Variants in KIAA1328 observed in about 807,000 individuals in gnomAD.
KIAA1328 encodes the protein KIAA1328.
A neutral mutation model predicts 68.1 loss-of-function variants in KIAA1328; 52 were observed. The observed-to-expected ratio is 0.76, with a 90% CI of 0.61 to 0.96. The LOEUF is 0.96. Ranked by LOEUF, KIAA1328 falls within the 40% of genes least tolerant of loss-of-function variation. KIAA1328 has a pLI of 0.00. For missense variants in KIAA1328, 641 were observed against 677.6 expected, an observed-to-expected ratio of 0.95 and a Z score of 0.60; for synonymous variants, 232 against 239.4, an observed-to-expected ratio of 0.97 and a Z score of 0.28.
rs1315087702 is a variant in KIAA1328, at chr18:36,883,380, G to GA, written c.333-2171dup. ...GTTTATTTAGTGTACCTCCACAAGG[G>GA]AAAAAAGACCCTCCCAAAACACCTG... On this transcript the variant is annotated intron_variant, in intron 4 of 9. Transcript: ENST00000280020. Among the ~76,000 whole-genome samples, 11 of 152,090 alleles carry GA rather than the reference G, an allele frequency of 7.2e-5. 1 individual carries two copies. The highest frequency in any genetic ancestry group is 1.6e-4 in the Non-Finnish European group (11 of 68,020).
intron 7 of KIAA1328, among the ~76,000 whole-genome samples, chr18:37,077,509 A>C (rs2056784026): frequency 6.6e-6 from 1 of 150,714 alleles, no homozygotes; most frequent in African/African-American, 2.5e-5. Context: ...AAGGAAATAA[A>C]GGGTATTCAA....
At chr18:37,197,598 T>C (rs150862812) in intron 9 of KIAA1328, among the ~76,000 whole-genome samples, 2 of 152,268 alleles carry the variant, frequency 1.3e-5, no homozygotes, top group Non-Finnish European at 2.9e-5. Context: ...AGTCTATAAA[T>C]TGAAAGGTTA....
intron 5 of KIAA1328, among the ~76,000 whole-genome samples, chr18:36,914,493 G>T (rs945039620): frequency 6.6e-6 from 1 of 152,060 alleles, no homozygotes; most frequent in Non-Finnish European, 1.5e-5. Context: ...AGGCTGAGGT[G>T]GGGGGATCAC....
chr18:37,216,868 C>G (rs1316182956), intron 9 of KIAA1328, among the ~76,000 whole-genome samples: 17 of 140,744 alleles, frequency 1.2e-4, no homozygotes, highest in Non-Finnish European at 2.5e-4. Flanking sequence ...GAATTGATCC[C>G]TTTACCATTC....
intron 5 of KIAA1328, among the ~76,000 whole-genome samples, chr18:36,915,667 A>T (rs1397450305): frequency 6.6e-6 from 1 of 152,208 alleles, no homozygotes; most frequent in African/African-American, 2.4e-5. Flanking sequence ...GTAAAAAACA[A>T]TATTGACAAT....
intron 3 of KIAA1328, among the ~76,000 whole-genome samples, chr18:36,841,306 C>T (rs188094964): frequency 2.0e-5 from 3 of 151,894 alleles, no homozygotes; most frequent in Non-Finnish European, 4.4e-5. Flanking sequence ...GTAATATGCA[C>T]ATGTAGTGTA....
At chr18:37,075,554 C>T (rs972926176) in intron 7 of KIAA1328, 5 of 152,154 alleles carry the variant, frequency 3.3e-5, no homozygotes, top group Non-Finnish European at 5.9e-5. Flanking sequence ...GATAAAGAGT[C>T]AAGACCCATC....
chr18:37,105,738 GA>G (rs1404904116), intron 7 of KIAA1328, among the ~76,000 whole-genome samples: 1 of 151,080 alleles, frequency 6.6e-6, no homozygotes, highest in Non-Finnish European at 1.5e-5. Flanking sequence ...CCAACATGGT[GA>G]AACCCCATCT....
At chr18:37,013,428 G>A (rs1303719281) in intron 6 of KIAA1328, among the ~76,000 whole-genome samples, 3 of 151,954 alleles carry the variant, frequency 2.0e-5, no homozygotes, top group East Asian at 3.9e-4. Context: ...CTGAGGTTTG[G>A]GGTACAAACG....
chr18:36,947,278 T>C (rs2151208012), intron 5 of KIAA1328, among the ~76,000 whole-genome samples: 1 of 152,310 alleles, frequency 6.6e-6, no homozygotes, highest in East Asian at 1.9e-4. Flanking sequence ...AGGAGGCTTA[T>C]TATGTGCCAA....
chr18:37,114,223 G>A (rs568801422), intron 7 of KIAA1328, among the ~76,000 whole-genome samples: 24 of 152,174 alleles, frequency 1.6e-4, no homozygotes, highest in African/African-American at 4.6e-4. Flanking sequence ...TCAGCACCAC[G>A]TCGCACTTAT....
In KIAA1328 at chr18:36,982,158, AT is replaced by A. The variant is rs2052721153; in HGVS notation, c.576+22724del. ...AAAAATATAAATAAATATATATAAT[AT>A]ATATATATAATATATATAACTGGAG... On this transcript the variant is annotated intron_variant, in intron 6 of 9. Coordinates refer to ENST00000280020, the MANE Select transcript of KIAA1328 (RefSeq NM_020776.3). 2.4e-4 allele frequency among the ~76,000 whole-genome samples: 4 copies of A among 16,484 alleles called. No individual in the cohort carries two copies. In the Admixed American group the frequency reaches 7.8e-3, roughly 32 times the overall value. The allele number at this position is 16,484 out of a possible 152,430, so 10.8% of individuals were successfully genotyped here.
chr18:37,010,898 C>G (rs775222421), intron 6 of KIAA1328, among the ~76,000 whole-genome samples: 2 of 152,056 alleles, frequency 1.3e-5, no homozygotes, highest in Non-Finnish European at 2.9e-5. Flanking sequence ...ATGAAATATT[C>G]AACATAGAAA....
At chr18:37,007,762 T>A (rs1011878190) in intron 6 of KIAA1328, among the ~76,000 whole-genome samples, 1 of 152,168 alleles carries the variant, frequency 6.6e-6, no homozygotes, top group Admixed American at 6.5e-5. Flanking sequence ...AAGAACTTCC[T>A]GCCAACATGG....
At position 37,222,736 on chromosome 18, in the gene KIAA1328, T is replaced by C; in HGVS notation, c.*509T>C. 3.0e-6 allele frequency: 3 copies of C among 993,234 alleles called. No homozygotes were observed. The highest frequency in any genetic ancestry group is 3.6e-6 in the Non-Finnish European group (3 of 835,024). 61.5% of individuals were successfully genotyped at this position (993,234 alleles called of 1,614,324 possible). A position where few individuals can be genotyped will look rare whatever the true frequency, so the allele number is the denominator to read the frequency against. ...TGTAAGTGGTCCTTTAATTCTGAAGTTGGAGTTGGTGCCCCTGCCATCACA... is the reference window on the plus strand; with the variant it reads ...TGTAAGTGGTCCTTTAATTCTGAAGCTGGAGTTGGTGCCCCTGCCATCACA... On this transcript the variant is annotated 3_prime_UTR_variant, in exon 10 of 10. Transcript: ENST00000280020.
rs183738978 is a variant in KIAA1328 at position 37,118,218 on chromosome 18, C to A, written c.1233-41982C>A. Reference sequence around the variant, plus strand: ...CTATGTTGCCTAGGATGGTCTTGAACTCCTGAGCTCAAGTGATCCACCCGC... The same window carrying A: ...CTATGTTGCCTAGGATGGTCTTGAAATCCTGAGCTCAAGTGATCCACCCGC... On this transcript the variant is annotated intron_variant, in intron 7 of 9. Coordinates refer to ENST00000280020, the MANE Select transcript of KIAA1328 (RefSeq NM_020776.3). Among the ~76,000 whole-genome samples the A allele has an allele frequency of 3.0e-3, 450 of 152,152 alleles. 1 individual carries two copies. Among genetic ancestry groups the A allele is most frequent in the Middle Eastern group, 0.014 (4 of 294 alleles).
chr18:37,125,093 C>T (rs1289431174), intron 7 of KIAA1328, among the ~76,000 whole-genome samples: 1 of 152,024 alleles, frequency 6.6e-6, no homozygotes, highest in South Asian at 2.1e-4. Context: ...TATGGGAGGC[C>T]GTGGTGAGTG....
intron 5 of KIAA1328, among the ~76,000 whole-genome samples, chr18:36,954,027 G>T (rs376355924): frequency 9.0e-6 from 1 of 110,978 alleles, no homozygotes; most frequent in Admixed American, 1.3e-4. Context: ...ACGGAGTCTC[G>T]CTCTGTCGCC....
chr18:36,967,525 C>A (rs140616128), intron 6 of KIAA1328, among the ~76,000 whole-genome samples: 1 of 152,268 alleles, frequency 6.6e-6, no homozygotes, highest in African/African-American at 2.4e-5. Flanking sequence ...TAAGCTGTTG[C>A]ATTTATGGTA....
Sources: allele counts gnomAD v4.1 joint callset (sites outside exome capture counted in the v4.1 genomes callset), GRCh38; gene constraint gnomAD v4.1.1; transcripts MANE v1.5; gene names NCBI Gene and HGNC (gene_info 2026-07-23, HGNC 2026-07-21).